The following STK3 variants were observed in gnomAD, a reference collection of about 807,000 sequenced individuals.
STK3 encodes serine/threonine-protein kinase 3.
A neutral mutation model predicts 58.0 loss-of-function variants in STK3; 41 were observed. That is an observed-to-expected ratio of 0.71 (90% CI 0.55 to 0.92). The LOEUF (loss-of-function observed/expected upper bound fraction) is 0.92, where lower values mean the gene tolerates loss of function less well. Ranked by LOEUF, STK3 falls within the 40% of genes least tolerant of loss-of-function variation. The pLI is 0.00. For missense variants in STK3, 479 were observed against 602.7 expected (o/e 0.79, Z 2.15); for synonymous variants, 170 against 191.0 (o/e 0.89, Z 0.91).
At chr8:98,493,992 G>T (rs975101912) in intron 10 of STK3, among the ~76,000 whole-genome samples, 1 of 152,022 alleles carries the variant, frequency 6.6e-6, no homozygotes, top group Non-Finnish European at 1.5e-5. Flanking sequence ...CATTGCTTTT[G>T]TTCATTTCTC....
intron 6 of STK3, among the ~76,000 whole-genome samples, chr8:98,660,577 C>T (rs947971626): frequency 6.6e-6 from 1 of 151,922 alleles, no homozygotes; most frequent in African/African-American, 2.4e-5. Flanking sequence ...ATATCTGATG[C>T]CCCATGAATG....
At chr8:98,591,992 T>G (rs1361167431) in intron 7 of STK3, among the ~76,000 whole-genome samples, 1 of 152,218 alleles carries the variant, frequency 6.6e-6, no homozygotes, top group African/African-American at 2.4e-5. Flanking sequence ...TTTCATCAGA[T>G]TTACTATTTT....
intron 7 of STK3, among the ~76,000 whole-genome samples, chr8:98,582,461 C>T (rs1478034539): frequency 6.6e-6 from 1 of 151,840 alleles, no homozygotes; most frequent in Admixed American, 6.6e-5. Flanking sequence ...CCTATATTAA[C>T]CCCTAGTTCT....
At chr8:98,941,722 G>T (rs949027050) in intron 1 of STK3, among the ~76,000 whole-genome samples, 1 of 152,200 alleles carries the variant, frequency 6.6e-6, no homozygotes, top group Non-Finnish European at 1.5e-5. Flanking sequence ...CCTCCTCCGC[G>T]TTTCCTGTCC....
At chr8:98,758,316 C>T (rs911119555) in intron 3 of STK3, among the ~76,000 whole-genome samples, 5 of 152,190 alleles carry the variant, frequency 3.3e-5, no homozygotes, top group Admixed American at 1.3e-4. Context: ...CAGCATCATT[C>T]TGATACCAAA....
intron 10 of STK3, among the ~76,000 whole-genome samples, chr8:98,464,613 C>T (rs1281613711): frequency 6.8e-6 from 1 of 147,138 alleles, no homozygotes; most frequent in African/African-American, 2.5e-5. Context: ...TATATTAAGG[C>T]ATTTTCCTGA....
chr8:98,715,023 A>C (rs1005581687), intron 4 of STK3, among the ~76,000 whole-genome samples: 78 of 152,280 alleles, frequency 5.1e-4, no homozygotes, highest in African/African-American at 1.8e-3. Flanking sequence ...CAAAAACAAC[A>C]AATGGGGAAA....
chr8:98,379,388 G>GATT (rs1817709543), intron 1 of STK3, among the ~76,000 whole-genome samples: 2 of 152,122 alleles, frequency 1.3e-5, no homozygotes, highest in Admixed American at 1.3e-4. Flanking sequence ...TTTCTTTTCA[G>GATT]GCTCTGTAGT....
intron 6 of STK3, among the ~76,000 whole-genome samples, chr8:98,636,923 G>C (rs1819666859): frequency 6.6e-6 from 1 of 151,982 alleles, no homozygotes; most frequent in African/African-American, 2.4e-5. Flanking sequence ...TGCAATATTG[G>C]TCATGATAAA....
intron 6 of STK3, among the ~76,000 whole-genome samples, chr8:98,683,193 A>G (rs892518670): frequency 6.6e-6 from 1 of 152,020 alleles, no homozygotes; most frequent in Non-Finnish European, 1.5e-5. Context: ...AATATAAATT[A>G]TATCAATTTA....
intron 3 of STK3, among the ~76,000 whole-genome samples, chr8:98,401,921 T>C (rs1377093291): frequency 3.9e-5 from 6 of 152,058 alleles, no homozygotes; most frequent in African/African-American, 1.4e-4. Flanking sequence ...TGCGCATGCA[T>C]TGTAAAAAAA....
At chr8:98,456,117 C>T in intron 10 of STK3, 117 bp from the exon 11 acceptor site, 2 of 1,029,168 alleles carry the variant, frequency 1.9e-6, no homozygotes, top group Non-Finnish European at 2.8e-6. Flanking sequence ...TCAGCAAATT[C>T]TTTACATCAT....
At chr8:98,890,453 C>CT (rs1198942822) in intron 1 of STK3, among the ~76,000 whole-genome samples, 5 of 152,286 alleles carry the variant, frequency 3.3e-5, no homozygotes, top group Middle Eastern at 3.4e-3. Context: ...CATTTATTTA[C>CT]TTTTTTATGT....
intron 6 of STK3, among the ~76,000 whole-genome samples, chr8:98,624,334 G>C (rs960800193): frequency 1.3e-5 from 2 of 152,090 alleles, no homozygotes; most frequent in African/African-American, 4.8e-5. Context: ...CTGTGTCTTG[G>C]GTTGTTATCT....
rs566706362 is a variant in STK3, at chr8:98,842,055, A to G, written c.110+41592T>C. Among the ~76,000 whole-genome samples the G allele has an allele frequency of 1.3e-4, 20 of 152,236 alleles. No individual in the cohort carries two copies. In the South Asian group the frequency reaches 4.1e-3, roughly 32 times the overall value. On this transcript the variant is annotated intron_variant, in intron 3 of 12. Coordinates refer to the STK3 transcript ENST00000523601. ...ATTCACAAATATAACAAGCTCCATA[A>G]AATACATAGAAATAATCCAAAAGAA...
At chr8:98,858,147 C>T (rs1050296664) in intron 3 of STK3, among the ~76,000 whole-genome samples, 23 of 150,924 alleles carry the variant, frequency 1.5e-4, no homozygotes, top group Admixed American at 6.0e-4. Flanking sequence ...CTTGGGAGGC[C>T]GAGGTGAGCA....
intron 9 of STK3, among the ~76,000 whole-genome samples, chr8:98,538,853 T>C (rs1219755717): frequency 6.6e-6 from 1 of 152,146 alleles, no homozygotes; most frequent in Non-Finnish European, 1.5e-5. Flanking sequence ...TAGTAGACTA[T>C]ACTCAGTGCC....
At position 98,477,702 on chromosome 8, in the gene STK3, C is replaced by CCGGGG. The variant is rs1821439953; in HGVS notation, c.1318-21703_1318-21702insCCCCG. 1.8e-3 allele frequency among the ~76,000 whole-genome samples: 4 copies of CCGGGG among 2,280 alleles called. 2 individuals are homozygous for CCGGGG. Among genetic ancestry groups the CCGGGG allele is most frequent in the East Asian group, 0.048 (2 of 42 alleles). The allele number at this position is 2,280 out of a possible 152,430, so 1.5% of individuals were successfully genotyped here. A position where few individuals can be genotyped will look rare whatever the true frequency, so the allele number is the denominator to read the frequency against. ...AGCCTCGCATAATCATCACACTTGG[C>CCGGGG]GGGGGGGGGGGGGGTGGGCGGGGGG... On this transcript the variant is annotated intron_variant, in intron 10 of 10. Transcript: ENST00000419617.
rs540853177 is a variant in STK3 at position 98,463,405 on chromosome 8, T to G, written c.1318-7405A>C. On this transcript the variant is annotated intron_variant, in intron 10 of 10. Coordinates refer to ENST00000419617, the MANE Select transcript of STK3 (RefSeq NM_006281.4). ...TCTAAAAAAAAAACCAAGTAAAAGATACGCAAATTAATAACTCAGTTACTA... is the reference window on the plus strand; with the variant it reads ...TCTAAAAAAAAAACCAAGTAAAAGAGACGCAAATTAATAACTCAGTTACTA... Among the ~76,000 whole-genome samples the G allele has an allele frequency of 2.8e-4, 42 of 151,902 alleles. No homozygotes were observed. In the South Asian group the frequency reaches 8.7e-3, roughly 31 times the overall value.
Sources: gnomAD v4.1 joint callset for allele counts (sites outside exome capture counted in the v4.1 genomes callset) on GRCh38, gnomAD v4.1.1 for gene constraint, MANE v1.5 for transcripts, NCBI Gene and HGNC (gene_info 2026-07-23, HGNC 2026-07-21) for gene names.